Variants in ENOX1 observed in about 807,000 individuals in gnomAD.
ENOX1 encodes the protein candidate growth-related and time keeping constitutive hydroquinone (NADH) oxidase.
ENOX1 carries 42 observed loss-of-function variants against 82.5 expected under a neutral mutation model. The observed-to-expected ratio is 0.51, with a 90% CI of 0.40 to 0.66. The LOEUF (loss-of-function observed/expected upper bound fraction) is 0.66. ENOX1 is among the 30% of genes least tolerant of loss of function. The pLI is 0.00. For synonymous variants in ENOX1, 271 were observed against 282.2 expected, an observed-to-expected ratio of 0.96 and a Z score of 0.40; for missense variants, 608 against 811.6, an observed-to-expected ratio of 0.75 and a Z score of 3.05.
At chr13:43,413,988 A>G (rs935805409) in intron 3 of ENOX1, among the ~76,000 whole-genome samples, 5 of 152,122 alleles carry the variant, frequency 3.3e-5, no homozygotes, top group African/African-American at 1.2e-4. Flanking sequence ...TTATTTTAGT[A>G]TAAATTTAGA....
intron 2 of ENOX1, among the ~76,000 whole-genome samples, chr13:43,590,699 C>T (rs1426987696): frequency 1.3e-5 from 2 of 149,608 alleles, no homozygotes. Flanking sequence ...TCACTTGAAC[C>T]TGGGAGGTGG....
chr13:43,459,878 C>A (rs1233661178), intron 3 of ENOX1, among the ~76,000 whole-genome samples: 1 of 152,098 alleles, frequency 6.6e-6, no homozygotes, highest in African/African-American at 2.4e-5. Context: ...CCTGTAGTCC[C>A]AGCTACTCAG....
chr13:43,757,585 T>G (rs1950725373), intron 1 of ENOX1, among the ~76,000 whole-genome samples: 1 of 152,026 alleles, frequency 6.6e-6, no homozygotes, highest in African/African-American at 2.4e-5. Context: ...AGCAAAGAAT[T>G]AGGGAAATGC....
intron 3 of ENOX1, among the ~76,000 whole-genome samples, chr13:43,477,037 G>C (rs1566326826): frequency 8.4e-6 from 1 of 119,524 alleles, no homozygotes; most frequent in Non-Finnish European, 1.7e-5. Context: ...TATTAAGAGA[G>C]AGATTCTAAA....
chr13:43,330,440 CA>C (rs1437240707), intron 9 of ENOX1, among the ~76,000 whole-genome samples: 3 of 152,160 alleles, frequency 2.0e-5, no homozygotes, highest in Non-Finnish European at 2.9e-5. Context: ...AAAGTATACT[CA>C]AAAGTTTTGC....
chr13:43,413,693 ATATATTTT>A (rs1221375592), intron 3 of ENOX1, among the ~76,000 whole-genome samples: 84 of 145,960 alleles, frequency 5.8e-4, no homozygotes, highest in Admixed American at 2.7e-4. Context: ...TTATATATAT[ATATATTTT>A]TATATATTTA....
chr13:43,625,580 T>C (rs1302935840), intron 2 of ENOX1, among the ~76,000 whole-genome samples: 2 of 152,038 alleles, frequency 1.3e-5, no homozygotes, highest in Non-Finnish European at 2.9e-5. Flanking sequence ...CAAATGATTT[T>C]TCTGCATCAA....
At chr13:43,666,281 C>A (rs12100382) in intron 2 of ENOX1, among the ~76,000 whole-genome samples, 1 of 152,076 alleles carries the variant, frequency 6.6e-6, no homozygotes, top group African/African-American at 2.4e-5. Context: ...TATGCCTGTA[C>A]CCCTATAGTG....
chr13:43,616,965 AGAT>A (rs902853171), intron 2 of ENOX1, among the ~76,000 whole-genome samples: 2 of 152,208 alleles, frequency 1.3e-5, no homozygotes, highest in African/African-American at 4.8e-5. Context: ...CATATTAAAA[AGAT>A]AAATTCTGGT....
At chr13:43,316,621 G>T (rs1223127315) in intron 11 of ENOX1, among the ~76,000 whole-genome samples, 1 of 47,438 alleles carries the variant, frequency 2.1e-5, no homozygotes, top group Middle Eastern at 9.8e-3. Flanking sequence ...AAAAGGTGAA[G>T]CAATTTACAA....
intron 1 of ENOX1, among the ~76,000 whole-genome samples, chr13:43,701,455 G>T (rs1443186358): frequency 6.6e-6 from 1 of 152,002 alleles, no homozygotes; most frequent in Non-Finnish European, 1.5e-5. Context: ...TATGAATAGG[G>T]TTTATCTGCT....
chr13:43,774,692 G>T (rs1312867325), intron 1 of ENOX1, among the ~76,000 whole-genome samples: 1 of 152,114 alleles, frequency 6.6e-6, no homozygotes, highest in Admixed American at 6.5e-5. Context: ...GCAAGGGATG[G>T]CCTTACAGAC....
chr13:43,703,567 T>C (rs1440679961), intron 1 of ENOX1, among the ~76,000 whole-genome samples: 1 of 152,192 alleles, frequency 6.6e-6, no homozygotes, highest in African/African-American at 2.4e-5. Flanking sequence ...CCTATTCCTT[T>C]GTTCTATAGA....
intron 1 of ENOX1, among the ~76,000 whole-genome samples, chr13:43,754,590 G>GC (rs539021504): frequency 0.043 from 6,154 of 142,804 alleles, 170 homozygotes; most frequent in Non-Finnish European, 0.068. Context: ...TTAGCAGCTT[G>GC]TTTTTTTTTT....
At chr13:43,494,209 C>A (rs1323999017) in intron 2 of ENOX1, among the ~76,000 whole-genome samples, 5 of 152,086 alleles carry the variant, frequency 3.3e-5, no homozygotes, top group Non-Finnish European at 7.4e-5. Context: ...CACTGACACC[C>A]AATCAACCAT....
intron 12 of ENOX1, among the ~76,000 whole-genome samples, chr13:43,295,426 C>G (rs929956047): frequency 6.6e-6 from 1 of 152,188 alleles, no homozygotes; most frequent in Non-Finnish European, 1.5e-5. Flanking sequence ...ATGTTAGGAA[C>G]CCTGCCCATA....
intron 1 of ENOX1, among the ~76,000 whole-genome samples, chr13:43,721,539 C>T (rs570784227): frequency 2.4e-4 from 35 of 148,662 alleles, no homozygotes; most frequent in Admixed American, 4.0e-4. Flanking sequence ...CCACTACGCC[C>T]GGCTAATTTT....
Position 43,298,474 on chromosome 13 carries a change from G to T in ENOX1, c.1318C>A (p.Leu440Met), listed in dbSNP as rs375940682. The T allele has an allele frequency of 5.0e-6, 8 of 1,614,028 alleles. No homozygotes were observed. The highest frequency in any genetic ancestry group is 6.8e-6 in the Non-Finnish European group (8 of 1,179,998). ...TCCACCTCATTCCTGTAGGCATCCA[G>T]CTGCCAGCGGAGACTGTCATTCTCC... Reference protein sequence around the residue: ...KEENDSLRWQLDAYRNEVELL... With the variant: ...KEENDSLRWQMDAYRNEVELL... The change falls in exon 12 of 17, where the codon CTG becomes ATG. Residue 440 changes from leucine to methionine, a missense_variant. By Grantham distance (15) the Leu-to-Met change is conservative. Coordinates refer to ENST00000690772, the MANE Select transcript of ENOX1 (RefSeq NM_001347969.2).
At chr13:43,662,487 C>A (rs1473411094) in intron 2 of ENOX1, among the ~76,000 whole-genome samples, 1 of 152,124 alleles carries the variant, frequency 6.6e-6, no homozygotes, top group African/African-American at 2.4e-5. Context: ...CATGTCTAAA[C>A]CTTTGGGCAG....
Sources: allele counts gnomAD v4.1 joint callset (sites outside exome capture counted in the v4.1 genomes callset), GRCh38; gene constraint gnomAD v4.1.1; transcripts MANE v1.5; gene names NCBI Gene and HGNC (gene_info 2026-07-23, HGNC 2026-07-21).